Variants in ATXN7L1 observed in about 807,000 individuals in gnomAD.
ATXN7L1 encodes the protein ataxin-7-like protein 1.
ATXN7L1 carries 15 observed loss-of-function variants against 70.8 expected under a neutral mutation model. That is an observed-to-expected ratio of 0.21 (90% CI 0.14 to 0.33). The LOEUF (loss-of-function observed/expected upper bound fraction) is 0.33, where lower values mean the gene tolerates loss of function less well. Ranked by LOEUF, ATXN7L1 falls within the 10% of genes least tolerant of loss-of-function variation. ATXN7L1 has a pLI of 1.00. For synonymous variants in ATXN7L1, 440 were observed against 445.1 expected (o/e 0.99, Z 0.14); for missense variants, 975 against 1,097.1 (o/e 0.89, Z 1.57).
intron 2 of ATXN7L1, among the ~76,000 whole-genome samples, chr7:105,790,678 T>TCTATCTATCTAA (rs1805079920): frequency 7.6e-6 from 1 of 132,446 alleles, no homozygotes; most frequent in South Asian, 2.5e-4. Flanking sequence ...CTATCTACTA[T>TCTATCTATCTAA]CTATCTATCT....
At chr7:105,861,486 G>A (rs1458487322) in intron 2 of ATXN7L1, among the ~76,000 whole-genome samples, 1 of 150,744 alleles carries the variant, frequency 6.6e-6, no homozygotes, top group Non-Finnish European at 1.5e-5. Context: ...AGAGGAGGAG[G>A]GGGTCTTTCT....
intron 3 of ATXN7L1, among the ~76,000 whole-genome samples, chr7:105,687,559 C>G (rs1349721760): frequency 1.3e-5 from 2 of 152,244 alleles, no homozygotes; most frequent in African/African-American, 4.8e-5. Context: ...AGAAACCAAA[C>G]TTGCTGGCAC....
intron 9 of ATXN7L1, among the ~76,000 whole-genome samples, chr7:105,619,140 GTTTTTTTTTTTTTTT>G (rs1191774371): frequency 4.0e-5 from 2 of 49,846 alleles, no homozygotes; most frequent in Non-Finnish European, 6.6e-5. Flanking sequence ...GAAATCTTTA[GTTTTTTTTTTTTTTT>G]TTTTTTTTTT....
intron 2 of ATXN7L1, among the ~76,000 whole-genome samples, chr7:105,850,012 T>C (rs559094528): frequency 2.9e-4 from 44 of 152,344 alleles, no homozygotes; most frequent in African/African-American, 9.6e-4. Context: ...CCCACTTCCA[T>C]TGTAACATCT....
At chr7:105,809,845 ACTGTAGCTTTGAC>A (rs1808166347) in intron 2 of ATXN7L1, among the ~76,000 whole-genome samples, 1 of 151,630 alleles carries the variant, frequency 6.6e-6, no homozygotes, top group Non-Finnish European at 1.5e-5. Flanking sequence ...ATCATAGCTC[ACTGTAGCTTTGAC>A]CTCCTGGGCT....
At chr7:105,807,953 C>T (rs1296416964) in intron 2 of ATXN7L1, among the ~76,000 whole-genome samples, 1 of 152,216 alleles carries the variant, frequency 6.6e-6, no homozygotes, top group Non-Finnish European at 1.5e-5. Flanking sequence ...TGATACAAGT[C>T]CTTAAAGAGG....
At chr7:105,820,645 C>A (rs950939669) in intron 2 of ATXN7L1, among the ~76,000 whole-genome samples, 1 of 152,158 alleles carries the variant, frequency 6.6e-6, no homozygotes, top group African/African-American at 2.4e-5. Context: ...TTGGAAGACT[C>A]AGTTATAATA....
At chr7:105,695,826 ATAC>A (rs1161700693) in intron 3 of ATXN7L1, among the ~76,000 whole-genome samples, 1 of 152,226 alleles carries the variant, frequency 6.6e-6, no homozygotes, top group East Asian at 1.9e-4. Flanking sequence ...ATCTGGCCTG[ATAC>A]TACTTTTATG....
chr7:105,746,449 A>G (rs1798599783), intron 3 of ATXN7L1, among the ~76,000 whole-genome samples: 1 of 152,222 alleles, frequency 6.6e-6, no homozygotes, highest in African/African-American at 2.4e-5. Flanking sequence ...TCCCAGGGGC[A>G]TGAGAGCCTG....
intron 3 of ATXN7L1, among the ~76,000 whole-genome samples, chr7:105,738,259 C>T (rs1797631363): frequency 6.6e-6 from 1 of 152,222 alleles, no homozygotes; most frequent in African/African-American, 2.4e-5. Context: ...CTGCTGCTCC[C>T]CTCAGCACTA....
At position 105,782,559 on chromosome 7, in the gene ATXN7L1, G is replaced by T. The variant is rs922136135; in HGVS notation, c.355+6045C>A. 3.9e-5 allele frequency among the ~76,000 whole-genome samples: 6 copies of T among 152,296 alleles called. No individual in the cohort carries two copies. In the South Asian group the frequency reaches 6.2e-4, roughly 16 times the overall value. ...GGTTGCACCTGCTTTCTACATCTGG[G>T]ATGCCAGCATGGGGCACACGATCAG... On this transcript the variant is annotated intron_variant, in intron 3 of 11. Transcript: ENST00000419735.
intron 3 of ATXN7L1, among the ~76,000 whole-genome samples, chr7:105,753,403 C>T (rs558892929): frequency 1.2e-4 from 19 of 152,182 alleles, no homozygotes; most frequent in Non-Finnish European, 2.6e-4. Flanking sequence ...AAAGCACGGA[C>T]ATTCTGTGTT....
At chr7:105,826,691 C>G (rs1810920286) in intron 2 of ATXN7L1, among the ~76,000 whole-genome samples, 1 of 151,608 alleles carries the variant, frequency 6.6e-6, no homozygotes, top group Non-Finnish European at 1.5e-5. Flanking sequence ...AAGAAAAAAA[C>G]AAAGCAATAA....
At chr7:105,674,130 T>A (rs1316676136) in intron 3 of ATXN7L1, among the ~76,000 whole-genome samples, 5 of 152,200 alleles carry the variant, frequency 3.3e-5, no homozygotes. Flanking sequence ...TTATGCTAGG[T>A]CTTCTTTACC....
At chr7:105,735,505 G>C (rs979628598) in intron 3 of ATXN7L1, among the ~76,000 whole-genome samples, 1 of 152,206 alleles carries the variant, frequency 6.6e-6, no homozygotes. Flanking sequence ...GCTGGCAAGA[G>C]AGACTGGACC....
At chr7:105,672,069 C>T (rs897100669) in intron 3 of ATXN7L1, among the ~76,000 whole-genome samples, 2 of 151,990 alleles carry the variant, frequency 1.3e-5, no homozygotes, top group African/African-American at 2.4e-5. Context: ...GGGTGGAACA[C>T]GAGGTCAGGA....
At chr7:105,661,300 G>A (rs145001897) in intron 4 of ATXN7L1, among the ~76,000 whole-genome samples, 31 of 152,286 alleles carry the variant, frequency 2.0e-4, no homozygotes, top group Non-Finnish European at 4.1e-4. Context: ...GGATGTTCTA[G>A]GCAAAGGTAC....
chr7:105,825,063 A>T (rs1378902696), intron 2 of ATXN7L1, among the ~76,000 whole-genome samples: 1 of 152,242 alleles, frequency 6.6e-6, no homozygotes, highest in Non-Finnish European at 1.5e-5. Flanking sequence ...CTGGCATCTC[A>T]TATTAAGAGT....
chr7:105,620,400 C>T (rs1794746745), intron 8 of ATXN7L1, 79 bp from the exon 9 acceptor site: 2 of 1,374,102 alleles, frequency 1.5e-6, no homozygotes, highest in South Asian at 1.5e-5. Flanking sequence ...ATAACATTTA[C>T]ATAAAAACAT....
Sources: gnomAD v4.1 joint callset for allele counts (sites outside exome capture counted in the v4.1 genomes callset) on GRCh38, gnomAD v4.1.1 for gene constraint, MANE v1.5 for transcripts, NCBI Gene and HGNC (gene_info 2026-07-23, HGNC 2026-07-21) for gene names.